The following COL18A1 variants were observed in gnomAD, a reference collection of about 807,000 sequenced individuals.
COL18A1 encodes the protein collagen alpha-1(XVIII) chain.
In COL18A1, 133 loss-of-function variants were observed where a neutral mutation model predicts 168.0. The observed-to-expected ratio is 0.79, with a 90% CI of 0.69 to 0.91. COL18A1 has a LOEUF of 0.91. COL18A1 is among the 40% of genes least tolerant of loss of function. The probability of loss-of-function intolerance (pLI) is 0.00; values close to 1 mark genes in which losing one functional copy is unlikely to be tolerated. For missense variants in COL18A1, 2,126 were observed against 1,925.4 expected (o/e 1.10, Z -1.95); for synonymous variants, 949 against 809.0 (o/e 1.17, Z -2.94).
intron 2 of COL18A1, among the ~76,000 whole-genome samples, chr21:45,458,977 C>T (rs914551362): frequency 6.6e-6 from 1 of 152,200 alleles, no homozygotes; most frequent in Non-Finnish European, 1.5e-5. Context: ...CTGGCCCGGT[C>T]GGTGGCACAG....
intron 2 of COL18A1, among the ~76,000 whole-genome samples, chr21:45,446,945 C>T (rs1290898961): frequency 2.0e-5 from 3 of 152,196 alleles, no homozygotes; most frequent in Non-Finnish European, 4.4e-5. Context: ...CAAAATTCAA[C>T]ACCATTCATG....
intron 22 of COL18A1, 72 bp from the exon 23 acceptor site, chr21:45,492,463 T>C: frequency 6.4e-7 from 1 of 1,559,310 alleles, no homozygotes; most frequent in Non-Finnish European, 8.8e-7. Flanking sequence ...TGTTGATCTG[T>C]AAGTCGCTCG....
At chr21:45,428,872 A>C (rs1379580594) in intron 2 of COL18A1, among the ~76,000 whole-genome samples, 2 of 149,926 alleles carry the variant, frequency 1.3e-5, no homozygotes, top group Non-Finnish European at 3.0e-5. Flanking sequence ...ATGTCTCTGC[A>C]CTCGAGACTA....
intron 13 of COL18A1, among the ~76,000 whole-genome samples, chr21:45,481,075 C>T (rs2035875103): frequency 6.6e-6 from 1 of 152,200 alleles, no homozygotes; most frequent in South Asian, 2.1e-4. Context: ...GGGGTGCTGA[C>T]CAGTGGGGGT....
chr21:45,442,946 CAGCGGTGCTGATGTG>C (rs2034415737), intron 2 of COL18A1, among the ~76,000 whole-genome samples: 2 of 127,762 alleles, frequency 1.6e-5, no homozygotes, highest in African/African-American at 7.0e-5. Context: ...CTGGTGTGGG[CAGCGGTGCTGATGTG>C]GGTGGTGGTG....
chr21:45,442,521 C>T (rs1298691186), intron 2 of COL18A1, among the ~76,000 whole-genome samples: 1 of 152,274 alleles, frequency 6.6e-6, no homozygotes, highest in African/African-American at 2.4e-5. Context: ...GTCTCTGTCG[C>T]CGGGTAGTAG....
chr21:45,484,477 C>T (rs573371510), intron 15 of COL18A1, among the ~76,000 whole-genome samples: 3 of 151,054 alleles, frequency 2.0e-5, no homozygotes, highest in Admixed American at 6.6e-5. Context: ...GCACGCCTCT[C>T]CAGCATATGT....
At position 45,480,117 on chromosome 21, in the gene COL18A1, T is replaced by TCCAGGGCCC; in HGVS notation, c.1365_1373dup (p.Pro457_Pro459dup). ...GAGGGCCCCCAGGACCCCAAGGGCC[T>TCCAGGGCCC]CCAGGGCCCCCAGGACCCTCCTTCA... On this transcript the variant is annotated inframe_insertion, in exon 11 of 42. Coordinates refer to ENST00000651438, the MANE Select transcript of COL18A1 (RefSeq NM_001379500.1). 6.2e-7 allele frequency: 1 copy of TCCAGGGCCC among 1,600,770 alleles called. No homozygotes were observed. Among genetic ancestry groups the TCCAGGGCCC allele is most frequent in the South Asian group, 1.1e-5 (1 of 90,852 alleles).
intron 28 of COL18A1, 142 bp from the exon 29 acceptor site, chr21:45,495,215 CG>C: frequency 1.4e-6 from 1 of 739,480 alleles, no homozygotes; most frequent in Non-Finnish European, 2.4e-6. Flanking sequence ...TGAGAAGGGC[CG>C]GGGTAGCCTG....
intron 2 of COL18A1, among the ~76,000 whole-genome samples, chr21:45,454,859 C>T (rs1837416988): frequency 6.6e-6 from 1 of 152,202 alleles, no homozygotes; most frequent in Admixed American, 6.5e-5. Flanking sequence ...TCCCGGGCTC[C>T]GTCTCTGCTG....
chr21:45,483,686 G>C (rs1237087516), intron 15 of COL18A1, among the ~76,000 whole-genome samples: 1 of 152,220 alleles, frequency 6.6e-6, no homozygotes. Context: ...ACCTTGGCTG[G>C]ACGGGGTTGG....
At chr21:45,455,403 G>A in intron 2 of COL18A1, 22 of 1,323,480 alleles carry the variant, frequency 1.7e-5, no homozygotes, top group Non-Finnish European at 2.3e-5. Context: ...AAGAGTGGGG[G>A]GTGGAAGACA....
rs797019436 is a variant in COL18A1 at position 45,490,617 on chromosome 21, C to T, written c.2032-219C>T. On this transcript the variant is annotated intron_variant, in intron 20 of 41. Transcript: ENST00000651438. Reference sequence around the variant, plus strand: ...GTGCCCTCCCGGGTCCCTGGGCCTTCGTGTGCCCTCCCAGGTCTCTGGGCC... The same window carrying T: ...GTGCCCTCCCGGGTCCCTGGGCCTTTGTGTGCCCTCCCAGGTCTCTGGGCC... Among the ~76,000 whole-genome samples, 112 of 149,536 alleles carry T rather than the reference C, an allele frequency of 7.5e-4. No homozygotes were observed. In the South Asian group the frequency reaches 0.02, roughly 27 times the overall value.
Position 45,513,322 on chromosome 21 carries a change from A to G in COL18A1, c.*924A>G, listed in dbSNP as rs2037717137. 2 of 152,312 alleles carry G rather than the reference A, an allele frequency of 1.3e-5. No homozygotes were observed. Among genetic ancestry groups the G allele is most frequent in the African/African-American group, 2.4e-5 (1 of 41,458 alleles). The allele number at this position is 152,312 out of a possible 1,614,324, so 9.4% of individuals were successfully genotyped here. A position where few individuals can be genotyped will look rare whatever the true frequency, so the allele number is the denominator to read the frequency against. On this transcript the variant is annotated 3_prime_UTR_variant, in exon 42 of 42. Transcript: ENST00000651438. ...ACATGCGGTAGCCAGCACACAGGGC[A>G]GTGAGGGAGGGCTGTCATCTGTGCA...
chr21:45,474,554 CTG>C (rs577251338), intron 4 of COL18A1, among the ~76,000 whole-genome samples: 21 of 147,556 alleles, frequency 1.4e-4, no homozygotes, highest in African/African-American at 5.3e-4. Flanking sequence ...GCGTGTGTCT[CTG>C]TGTCTGTGTC....
At chr21:45,469,637 G>T (rs1264099280) in intron 3 of COL18A1, among the ~76,000 whole-genome samples, 1 of 152,228 alleles carries the variant, frequency 6.6e-6, no homozygotes, top group African/African-American at 2.4e-5. Flanking sequence ...GGAACCTTTG[G>T]CTGGGAACAG....
intron 38 of COL18A1, 106 bp downstream of exon 38, chr21:45,507,699 C>T (rs943650833): frequency 8.3e-6 from 9 of 1,080,740 alleles, no homozygotes; most frequent in Middle Eastern, 4.0e-4. Context: ...AGTCCTGGAG[C>T]TGAACATGTG....
intron 14 of COL18A1, chr21:45,482,281 C>G: frequency 1.5e-6 from 1 of 653,552 alleles, no homozygotes; most frequent in South Asian, 1.6e-5. Context: ...GATCTGAGAT[C>G]TTACTCCAAG....
rs765797297 is a variant in COL18A1, at chr21:45,452,512, G to A, written c.107-15730G>A. Among the ~76,000 whole-genome samples the A allele has an allele frequency of 1.7e-4, 16 of 94,354 alleles. 1 individual carries two copies. Among genetic ancestry groups the A allele is most frequent in the East Asian group, 6.8e-4 (2 of 2,920 alleles). The allele number at this position is 94,354 out of a possible 152,430, so 61.9% of individuals were successfully genotyped here. On this transcript the variant is annotated intron_variant, in intron 2 of 41. Transcript: ENST00000651438. ...GTATGCATGTGTGTATTCACGTGAC[G>A]TGTGAGCATGCATGTACATATGTGA...
Sources: gnomAD v4.1 joint callset for allele counts (sites outside exome capture counted in the v4.1 genomes callset) on GRCh38, gnomAD v4.1.1 for gene constraint, MANE v1.5 for transcripts, NCBI Gene and HGNC (gene_info 2026-07-23, HGNC 2026-07-21) for gene names.